Variants in BCR observed in about 807,000 individuals in gnomAD.
The protein encoded by BCR is BCR activator of RhoGEF and GTPase.
In BCR, 58 loss-of-function variants were observed where a neutral mutation model predicts 138.6. The ratio of observed to expected loss-of-function variants is 0.42; its 90% CI spans 0.34 to 0.52. BCR has a LOEUF of 0.52. Ranked by LOEUF, BCR falls within the 20% of genes least tolerant of loss-of-function variation. The pLI, the probability that BCR is intolerant of heterozygous loss-of-function variation, is 0.06. For missense variants in BCR, 1,599 were observed against 1,727.2 expected (o/e 0.93, Z 1.32); for synonymous variants, 786 against 730.1 (o/e 1.08, Z -1.23).
intron 1 of BCR, among the ~76,000 whole-genome samples, chr22:23,204,123 T>C (rs2072585393): frequency 6.6e-6 from 1 of 152,204 alleles, no homozygotes; most frequent in Non-Finnish European, 1.5e-5. Flanking sequence ...TCTTCAGCAC[T>C]GACTAGTCGT....
At position 23,289,510 on chromosome 22, in the gene BCR, C is replaced by T; in HGVS notation, c.2603-7C>T. The T allele has an allele frequency of 1.2e-6, 2 of 1,612,850 alleles. No individual in the cohort carries two copies. Among genetic ancestry groups the T allele is most frequent in the Admixed American group, 1.7e-5 (1 of 60,012 alleles). ...CCAATTGGTGCACCTCTTTTCCAAC[C>T]TCCCAGGTTTCAGAAGCTTCTCCCT... On this transcript the variant is annotated splice_region_variant and splice_polypyrimidine_tract_variant and intron_variant, in intron 12 of 22. Transcript: ENST00000305877.
At chr22:23,263,752 G>A in intron 4 of BCR, 3 of 1,431,214 alleles carry the variant, frequency 2.1e-6, no homozygotes, top group Non-Finnish European at 3.0e-6. Context: ...TTGCAAAGGG[G>A]GCATCATATC....
chr22:23,205,456 A>G (rs1183375657), intron 1 of BCR, among the ~76,000 whole-genome samples: 2 of 151,960 alleles, frequency 1.3e-5, no homozygotes, highest in African/African-American at 2.4e-5. Context: ...CCCTCCCTTT[A>G]CTGGAACTTT....
intron 1 of BCR, among the ~76,000 whole-genome samples, chr22:23,204,765 G>T (rs912500485): frequency 6.6e-5 from 10 of 152,244 alleles, no homozygotes; most frequent in Non-Finnish European, 1.2e-4. Flanking sequence ...GTGCCAAAGT[G>T]CAGAGCGTGG....
chr22:23,312,460 G>A (rs947434524), intron 19 of BCR: 17 of 180,358 alleles, frequency 9.4e-5, no homozygotes, highest in African/African-American at 2.3e-4. Context: ...CCTGGCCTGT[G>A]GTGAGGATGT....
chr22:23,227,727 C>A (rs868717500), intron 1 of BCR, among the ~76,000 whole-genome samples: 2 of 152,204 alleles, frequency 1.3e-5, no homozygotes, highest in South Asian at 2.1e-4. Flanking sequence ...AGTGCTGCAC[C>A]CTTTTAGAAC....
intron 16 of BCR, among the ~76,000 whole-genome samples, chr22:23,303,473 G>C (rs1404993717): frequency 1.3e-5 from 2 of 152,212 alleles, no homozygotes; most frequent in East Asian, 3.8e-4. Context: ...ATGTGCCTGG[G>C]GGGCATTCCG....
intron 1 of BCR, among the ~76,000 whole-genome samples, chr22:23,212,544 C>G (rs1182603032): frequency 6.6e-6 from 1 of 152,246 alleles, no homozygotes; most frequent in Non-Finnish European, 1.5e-5. Flanking sequence ...TAAGCCCCCA[C>G]TGGGCTCTGT....
At chr22:23,232,922 G>A (rs1035342782) in intron 1 of BCR, among the ~76,000 whole-genome samples, 2 of 152,234 alleles carry the variant, frequency 1.3e-5, no homozygotes, top group African/African-American at 2.4e-5. Flanking sequence ...AAATGCAAAT[G>A]CCACATCTGT....
chr22:23,287,154 C>T lies in BCR; in HGVS notation c.2407-5C>T. The stretch of plus-strand genomic sequence containing the variant: ...GGAAGGTGAGGCTGTGGCATCTCCC[C>T]ACAGAGGGCGAACAAGGGCAGCAAG... On this transcript the variant is annotated splice_region_variant and splice_polypyrimidine_tract_variant and intron_variant, in intron 10 of 22. Transcript: ENST00000305877. 2 of 1,577,236 alleles carry T rather than the reference C, an allele frequency of 1.3e-6. No individual in the cohort carries two copies. Among genetic ancestry groups the T allele is most frequent in the Non-Finnish European group, 1.7e-6 (2 of 1,160,744 alleles).
Position 23,312,663 on chromosome 22 carries a change from G to A in BCR, c.3323-224G>A, listed in dbSNP as rs534739462. On this transcript the variant is annotated intron_variant, in intron 19 of 22. Transcript: ENST00000305877. ...TGGCCTCCTCCTGGCCATCACATCA[G>A]GCCAAGCAGGGGAGAGGAATGGGAA... 35 of 567,418 alleles carry A rather than the reference G, an allele frequency of 6.2e-5. No individual in the cohort carries two copies. The East Asian group carries it at 9.1e-4, about 15-fold the overall frequency. The allele number at this position is 567,418 out of a possible 1,614,324, so 35.1% of individuals were successfully genotyped here. A position where few individuals can be genotyped will look rare whatever the true frequency, so the allele number is the denominator to read the frequency against.
At position 23,181,022 on chromosome 22, in the gene BCR, C is replaced by T; in HGVS notation, c.62C>T (p.Pro21Leu). 2 of 1,495,650 alleles carry T rather than the reference C, an allele frequency of 1.3e-6. No homozygotes were observed. The highest frequency in any genetic ancestry group is 1.3e-5 in the South Asian group (1 of 77,932). The allele number at this position is 1,495,650 out of a possible 1,614,324, so 92.6% of individuals were successfully genotyped here. A position where few individuals can be genotyped will look rare whatever the true frequency, so the allele number is the denominator to read the frequency against. The change falls in exon 1 of 23, where the codon CCG becomes CTG. Residue 21 changes from proline (P) to leucine (L), a missense_variant. Pro to Leu is a moderately conservative substitution (Grantham distance 98, BLOSUM62 -3). Around this residue, in one of 4 missense-constraint regions of BCR, gnomAD observed 806 missense variants for 635.0 expected, o/e 1.27. Transcript: ENST00000305877. ...WKAQFPDSEP[P>L]RMELRSVGDI... ...GCGCAGTTCCCGGACTCAGAGCCCCCGCGCATGGAGCTGCGCTCAGTGGGC... is the reference window on the plus strand; with the variant it reads ...GCGCAGTTCCCGGACTCAGAGCCCCTGCGCATGGAGCTGCGCTCAGTGGGC...
rs781458682 is a variant in BCR at position 23,182,202 on chromosome 22, G to T, written c.1242G>T (p.Trp414Cys). ...IVGVRKTGQI[W>C]PNDGEGAFHG... ...GCGTCCGCAAGACCGGGCAGATCTG[G>T]CCCAACGATGGCGAGGGCGCCTTCC... The change falls in exon 1 of 23, where the codon TGG (tryptophan) becomes TGT (cysteine). Residue 414 changes from tryptophan to cysteine, a missense_variant. Physicochemically the swap from Trp to Cys is radical, Grantham distance 215. Around this residue, in one of 4 missense-constraint regions of BCR, gnomAD observed 806 missense variants for 635.0 expected, o/e 1.27. Transcript: ENST00000305877. The T allele has an allele frequency of 3.8e-5, 61 of 1,588,390 alleles. 3 individuals carry two copies. In the South Asian group the frequency reaches 6.7e-4, roughly 17 times the overall value.
chr22:23,237,757 A>G (rs1321449704), intron 1 of BCR, among the ~76,000 whole-genome samples: 1 of 152,152 alleles, frequency 6.6e-6, no homozygotes, highest in Non-Finnish European at 1.5e-5. Context: ...TTTGTAGTGG[A>G]TGAGACGGAC....
rs369805215 is a variant in BCR at position 23,313,904 on chromosome 22, G to A, written c.3458-64G>A. 82 of 1,347,154 alleles carry A rather than the reference G, an allele frequency of 6.1e-5. No individual in the cohort carries two copies. In the South Asian group the frequency reaches 6.9e-4, roughly 11 times the overall value. The allele number at this position is 1,347,154 out of a possible 1,614,324, so 83.5% of individuals were successfully genotyped here. On this transcript the variant is annotated intron_variant, in intron 20 of 22. Transcript: ENST00000305877. ...GACACAAGCCCCAGGTGCTCCATGT[G>A]AACACCTCGGGAGAGGTCTCTGGCT...
rs1209074806 is a variant in BCR at position 23,201,080 on chromosome 22, A to G, written c.1279+18841A>G. On this transcript the variant is annotated intron_variant, in intron 1 of 22. Transcript: ENST00000305877. ...AGTGGTTACAGGAAATGGAACATTT[A>G]GTCTGGCAGAGGCCAAGGGCAGCAG... 4.6e-5 allele frequency among the ~76,000 whole-genome samples: 7 copies of G among 152,246 alleles called. 1 individual carries two copies. The highest frequency in any genetic ancestry group is 2.6e-4 in the Admixed American group (4 of 15,284).
rs564961247 is a variant in BCR, at chr22:23,236,319, A to G, written c.1280-17480A>G. On this transcript the variant is annotated intron_variant, in intron 1 of 22. Transcript: ENST00000305877. ...CCTCATCTCCACCCTGCCGCACTCTATGACTGAGCAGCACAGGGCGCCAGG... is the reference window on the plus strand; with the variant it reads ...CCTCATCTCCACCCTGCCGCACTCTGTGACTGAGCAGCACAGGGCGCCAGG... Among the ~76,000 whole-genome samples, 40 of 152,300 alleles carry G rather than the reference A, an allele frequency of 2.6e-4. No homozygotes were observed. In the South Asian group the frequency reaches 7.7e-3, roughly 29 times the overall value.
intron 16 of BCR, 68 bp downstream of exon 16, chr22:23,295,223 C>CTGGATGA (rs1423517371): frequency 6.8e-7 from 1 of 1,468,746 alleles, no homozygotes; most frequent in Non-Finnish European, 9.3e-7. Flanking sequence ...CCCCTGGGGA[C>CTGGATGA]ACTGAGATGG....
chr22:23,234,699 C>T (rs952767282), intron 1 of BCR, among the ~76,000 whole-genome samples: 11 of 106,286 alleles, frequency 1.0e-4, no homozygotes, highest in African/African-American at 3.0e-4. Flanking sequence ...CAGAATGGAG[C>T]ACCCAGGGGA....
Sources: allele counts gnomAD v4.1 joint callset (sites outside exome capture counted in the v4.1 genomes callset), GRCh38; gene constraint gnomAD v4.1.1; regional missense constraint gnomAD v4.1.1; transcripts MANE v1.5; gene names NCBI Gene and HGNC (gene_info 2026-07-23, HGNC 2026-07-21).